MGAT4C: variants seen among roughly 807,000 people sequenced by gnomAD.
MGAT4C encodes the protein MGAT4 family member C, also known as alpha-1,3-mannosyl-glycoprotein 4-beta-N-acetylglucosaminyltransferase C.
MGAT4C carries 19 observed loss-of-function variants against 40.1 expected under a neutral mutation model. That is an observed-to-expected ratio of 0.47 (90% confidence interval 0.33 to 0.70). The LOEUF (loss-of-function observed/expected upper bound fraction) is 0.70, where lower values mean the gene tolerates loss of function less well. Among genes scored for constraint, MGAT4C ranks in the 30% least tolerant of loss-of-function variants. The pLI is 0.02. For synonymous variants in MGAT4C, 181 were observed against 187.1 expected (o/e 0.97, Z 0.27); for missense variants, 491 against 563.2 (o/e 0.87, Z 1.30).
intron 2 of MGAT4C, among the ~76,000 whole-genome samples, chr12:86,614,779 T>C (rs1962396952): frequency 6.6e-6 from 1 of 151,984 alleles, no homozygotes; most frequent in South Asian, 2.1e-4. Flanking sequence ...AGATTCACTG[T>C]GGAGTTTATG....
intron 2 of MGAT4C, among the ~76,000 whole-genome samples, chr12:86,044,330 T>C (rs1374119838): frequency 1.3e-5 from 2 of 152,170 alleles, no homozygotes; most frequent in Non-Finnish European, 2.9e-5. Context: ...TGAGTGGTGA[T>C]AGAAGAATTC....
chr12:86,746,183 T>C (rs1184952039), intron 1 of MGAT4C, among the ~76,000 whole-genome samples: 1 of 151,668 alleles, frequency 6.6e-6, no homozygotes, highest in Non-Finnish European at 1.5e-5. Flanking sequence ...ACTTGTGGTA[T>C]TGTCTGTCTA....
At chr12:86,258,011 A>G (rs1267530820), upstream of MGAT4C, among the ~76,000 whole-genome samples, 1 of 44,516 alleles carries the variant, frequency 2.2e-5, no homozygotes, top group East Asian at 2.1e-3. Context: ...AGTATTACAT[A>G]AATATAAGAT....
chr12:86,221,219 G>A (rs1165219591), intron 1 of MGAT4C, among the ~76,000 whole-genome samples: 2 of 152,004 alleles, frequency 1.3e-5, no homozygotes, highest in Non-Finnish European at 2.9e-5. Context: ...TTCTGTTAAG[G>A]AGTATATTTC....
At chr12:86,185,861 G>A (rs1005540393) in intron 1 of MGAT4C, among the ~76,000 whole-genome samples, 84 of 151,912 alleles carry the variant, frequency 5.5e-4, no homozygotes, top group African/African-American at 2.0e-3. Flanking sequence ...AAAGAGAAGA[G>A]AGTCGCTCAG....
intron 1 of MGAT4C, among the ~76,000 whole-genome samples, chr12:86,805,764 T>C (rs772368786): frequency 6.6e-6 from 1 of 152,100 alleles, no homozygotes; most frequent in Non-Finnish European, 1.5e-5. Flanking sequence ...GACCAAGTGG[T>C]AGTTCTGGTT....
At position 86,382,045 on chromosome 12, in the gene MGAT4C, T is replaced by C. The variant is rs796396375; in HGVS notation, c.-119-47918A>G. Among the ~76,000 whole-genome samples, 29 of 152,222 alleles carry C rather than the reference T, an allele frequency of 1.9e-4. 1 individual carries two copies. The highest frequency in any genetic ancestry group is 6.7e-4 in the African/African-American group (28 of 41,544). Reference sequence around the variant, plus strand: ...CTTGGGTATGTCTTTATCCCGAAAATGTGGAAGCGACTTTGGAACTGGGTA... The same window carrying C: ...CTTGGGTATGTCTTTATCCCGAAAACGTGGAAGCGACTTTGGAACTGGGTA... On this transcript the variant is annotated intron_variant, in intron 3 of 7. Transcript: ENST00000548651.
chr12:86,510,855 C>T (rs1332458551), intron 2 of MGAT4C, among the ~76,000 whole-genome samples: 5 of 151,964 alleles, frequency 3.3e-5, no homozygotes, highest in African/African-American at 1.2e-4. Flanking sequence ...TCCTGGGTGA[C>T]CTACAAAGAG....
chr12:86,239,074 G>A (rs1194311132), intron 1 of MGAT4C, among the ~76,000 whole-genome samples: 1 of 151,776 alleles, frequency 6.6e-6, no homozygotes, highest in Admixed American at 6.6e-5. Context: ...TTTTATAGTG[G>A]CATTCGGCGA....
chr12:86,546,704 T>C (rs574956891), intron 2 of MGAT4C, among the ~76,000 whole-genome samples: 1 of 152,092 alleles, frequency 6.6e-6, no homozygotes, highest in Non-Finnish European at 1.5e-5. Context: ...TTTTCTAAGC[T>C]GTAAGTACAT....
chr12:86,754,331 G>T (rs1951267629), intron 1 of MGAT4C, among the ~76,000 whole-genome samples: 1 of 152,086 alleles, frequency 6.6e-6, no homozygotes, highest in African/African-American at 2.4e-5. Context: ...CTAGCAAGCA[G>T]GAGTGAAGGG....
At chr12:86,689,400 G>A (rs960751956) in intron 2 of MGAT4C, among the ~76,000 whole-genome samples, 1 of 152,020 alleles carries the variant, frequency 6.6e-6, no homozygotes, top group African/African-American at 2.4e-5. Flanking sequence ...GAAGAGTTGT[G>A]ATTCTTTGGA....
intron 1 of MGAT4C, among the ~76,000 whole-genome samples, chr12:86,206,842 T>C (rs1950276341): frequency 1.3e-5 from 2 of 152,190 alleles, no homozygotes; most frequent in Non-Finnish European, 2.9e-5. Flanking sequence ...TCCTAAAATA[T>C]ATGGTCAAAG....
intron 2 of MGAT4C, among the ~76,000 whole-genome samples, chr12:86,585,327 A>G (rs1960970657): frequency 6.6e-6 from 1 of 151,046 alleles, no homozygotes; most frequent in Admixed American, 6.6e-5. Context: ...TTCAGAGTTA[A>G]TGTAACAGTT....
chr12:86,234,441 A>G (rs1194449367), intron 1 of MGAT4C, among the ~76,000 whole-genome samples: 1 of 152,180 alleles, frequency 6.6e-6, no homozygotes, highest in Non-Finnish European at 1.5e-5. Context: ...TGCACACTTG[A>G]GAGAAACTCT....
At chr12:86,752,877 C>T (rs1951247035) in intron 1 of MGAT4C, among the ~76,000 whole-genome samples, 1 of 152,078 alleles carries the variant, frequency 6.6e-6, no homozygotes, top group Non-Finnish European at 1.5e-5. Flanking sequence ...TCATTTCATA[C>T]TTCTCACCAT....
rs564488270 is a variant in MGAT4C, at chr12:85,983,677, A to G, written c.148-7T>C. ...TAAGTTGTTTGTCTCCTTCCTAAAT[A>G]CCAAGAAAGAAGCAAGGAAAATATA... On this transcript the variant is annotated splice_polypyrimidine_tract_variant and splice_region_variant and intron_variant, in intron 3 of 4. Coordinates refer to ENST00000611864, the MANE Select transcript of MGAT4C (RefSeq NM_001351288.2). 6.4e-6 allele frequency: 10 copies of G among 1,551,164 alleles called. No homozygotes were observed. The African/African-American group carries it at 9.8e-5, about 15-fold the overall frequency.
At chr12:86,036,725 G>C (rs1592744051) in intron 2 of MGAT4C, among the ~76,000 whole-genome samples, 1 of 149,966 alleles carries the variant, frequency 6.7e-6, no homozygotes, top group South Asian at 2.1e-4. Flanking sequence ...TTGCATCAAT[G>C]TTCATCAGGG....
chr12:86,007,596 C>G (rs1888025219), intron 2 of MGAT4C, among the ~76,000 whole-genome samples: 1 of 151,716 alleles, frequency 6.6e-6, no homozygotes, highest in Admixed American at 6.6e-5. Flanking sequence ...CATCATACGA[C>G]AAACTTTAAA....
Sources: allele counts gnomAD v4.1 joint callset (sites outside exome capture counted in the v4.1 genomes callset), GRCh38; gene constraint gnomAD v4.1.1; transcripts MANE v1.5; gene names NCBI Gene and HGNC (gene_info 2026-07-23, HGNC 2026-07-21).